The following NRXN3 variants were observed in gnomAD, a reference collection of about 807,000 sequenced individuals.
The protein encoded by NRXN3 is neurexin III.
A neutral mutation model predicts 137.6 loss-of-function variants in NRXN3; 32 were observed. That is an observed-to-expected ratio of 0.23 (90% CI 0.18 to 0.31). The LOEUF (loss-of-function observed/expected upper bound fraction) is 0.31. NRXN3 is among the 10% of genes least tolerant of loss of function. The probability of loss-of-function intolerance (pLI) is 1.00; values close to 1 mark genes in which losing one functional copy is unlikely to be tolerated. For synonymous variants in NRXN3, 798 were observed against 784.5 expected, an observed-to-expected ratio of 1.02 and a Z score of -0.29; for missense variants, 1,574 against 2,062.5, an observed-to-expected ratio of 0.76 and a Z score of 4.59.
intron 15 of NRXN3, among the ~76,000 whole-genome samples, chr14:79,255,773 C>T (rs983457774): frequency 1.3e-5 from 2 of 152,182 alleles, no homozygotes; most frequent in African/African-American, 2.4e-5. Context: ...TAATTGTGAT[C>T]ATTATCTAGC....
At chr14:78,922,707 G>A (rs574261137) in intron 10 of NRXN3, among the ~76,000 whole-genome samples, 106 of 152,236 alleles carry the variant, frequency 7.0e-4, no homozygotes, top group African/African-American at 1.7e-3. Context: ...TAGGTGGAGG[G>A]GAGCAGGGGG....
chr14:79,329,704 T>C (rs1452283783), intron 15 of NRXN3, among the ~76,000 whole-genome samples: 2 of 152,202 alleles, frequency 1.3e-5, no homozygotes, highest in Admixed American at 6.5e-5. Context: ...GTTTGAGAAT[T>C]GCTTAGCTAG....
At chr14:78,747,139 G>GA (rs397782255) in intron 8 of NRXN3, among the ~76,000 whole-genome samples, 3 of 151,888 alleles carry the variant, frequency 2.0e-5, no homozygotes, top group African/African-American at 7.3e-5. Context: ...CAGGACCAGG[G>GA]TTGAAAGTCT....
chr14:78,266,454 A>G (rs926916306), intron 2 of NRXN3, among the ~76,000 whole-genome samples: 2 of 152,010 alleles, frequency 1.3e-5, no homozygotes, highest in South Asian at 2.1e-4. Flanking sequence ...ACATACCACC[A>G]CGCCCAGCTA....
At chr14:78,616,905 G>A (rs1046115332) in intron 4 of NRXN3, among the ~76,000 whole-genome samples, 1 of 152,164 alleles carries the variant, frequency 6.6e-6, no homozygotes, top group Admixed American at 6.5e-5. Context: ...TTACAAATTA[G>A]CTGAGTTCTC....
intron 1 of NRXN3, among the ~76,000 whole-genome samples, chr14:78,235,406 C>G (rs959913289): frequency 4.6e-5 from 7 of 152,106 alleles, no homozygotes; most frequent in African/African-American, 1.7e-4. Flanking sequence ...TCTTTGAATG[C>G]TGTTCTTTAG....
intron 8 of NRXN3, among the ~76,000 whole-genome samples, chr14:78,785,507 T>C (rs2098786394): frequency 6.6e-6 from 1 of 152,228 alleles, no homozygotes; most frequent in Admixed American, 6.5e-5. Context: ...ACTTGTTCCC[T>C]GTAGACTCAT....
intron 15 of NRXN3, among the ~76,000 whole-genome samples, chr14:79,169,134 C>T (rs1199492297): frequency 2.0e-5 from 3 of 152,064 alleles, no homozygotes; most frequent in Non-Finnish European, 4.4e-5. Flanking sequence ...TGTTGAATTA[C>T]ATCTTACACT....
chr14:78,858,142 C>A (rs1366363502), intron 10 of NRXN3, among the ~76,000 whole-genome samples: 1 of 152,118 alleles, frequency 6.6e-6, no homozygotes, highest in Non-Finnish European at 1.5e-5. Flanking sequence ...CTCTGCACTT[C>A]CAGGAATTCC....
intron 15 of NRXN3, among the ~76,000 whole-genome samples, chr14:79,030,635 C>CTTTTTTTTTTT: frequency 1.1e-3 from 59 of 54,244 alleles, no homozygotes; most frequent in East Asian, 9.0e-3. Flanking sequence ...TTCTCTGTGT[C>CTTTTTTTTTTT]TTTTTTTTTT....
At chr14:78,933,762 T>C (rs2099328254) in intron 10 of NRXN3, among the ~76,000 whole-genome samples, 1 of 152,152 alleles carries the variant, frequency 6.6e-6, no homozygotes, top group East Asian at 1.9e-4. Flanking sequence ...ATAGTTATCA[T>C]CTTTATGGTG....
At chr14:79,360,794 G>C (rs947449886) in intron 15 of NRXN3, among the ~76,000 whole-genome samples, 2 of 152,222 alleles carry the variant, frequency 1.3e-5, no homozygotes, top group African/African-American at 4.8e-5. Context: ...TTATCAAGTA[G>C]TGTGACCTTA....
chr14:79,573,435 T>C (rs1260084998), intron 16 of NRXN3, among the ~76,000 whole-genome samples: 1 of 152,116 alleles, frequency 6.6e-6, no homozygotes, highest in Non-Finnish European at 1.5e-5. Context: ...AGCACTGGTT[T>C]TGTCAGTTTT....
At chr14:79,251,394 G>A (rs777605272) in intron 15 of NRXN3, among the ~76,000 whole-genome samples, 83 of 152,196 alleles carry the variant, frequency 5.5e-4, no homozygotes, top group East Asian at 3.9e-4. Flanking sequence ...AGGGAAGGGC[G>A]TCTTTCAAGA....
chr14:78,528,696 G>A (rs1035780618), intron 4 of NRXN3, among the ~76,000 whole-genome samples: 2 of 152,094 alleles, frequency 1.3e-5, no homozygotes, highest in Admixed American at 6.6e-5. Context: ...TAGGCAGAAG[G>A]GATCACTTTT....
chr14:79,270,378 C>T (rs1290646573), intron 15 of NRXN3, among the ~76,000 whole-genome samples: 4 of 152,184 alleles, frequency 2.6e-5, no homozygotes, highest in Admixed American at 2.6e-4. Context: ...CACAAATATC[C>T]ATTAAGTGTC....
At chr14:78,492,010 G>A (rs2095677117) in intron 4 of NRXN3, among the ~76,000 whole-genome samples, 2 of 152,158 alleles carry the variant, frequency 1.3e-5, no homozygotes, top group South Asian at 4.1e-4. Context: ...TGTGGGCAAC[G>A]CTGACTCTGG....
At chr14:78,411,027 A>G (rs1337055932) in intron 4 of NRXN3, among the ~76,000 whole-genome samples, 2 of 152,224 alleles carry the variant, frequency 1.3e-5, no homozygotes, top group African/African-American at 4.8e-5. Context: ...TCTGTAAATG[A>G]GGATAATAGG....
chr14:78,821,082 G>A lies in NRXN3; in HGVS notation c.2275+10738G>A, dbSNP rs564575002. On this transcript the variant is annotated intron_variant, in intron 10 of 20. Coordinates refer to ENST00000335750, the MANE Select transcript of NRXN3 (RefSeq NM_001330195.2). Reference sequence around the variant, plus strand: ...AGTACTCTTTTGTCCCCTAAATCAAGCTGTCTCTTAATGATGACACAGGAC... The same window carrying A: ...AGTACTCTTTTGTCCCCTAAATCAAACTGTCTCTTAATGATGACACAGGAC... Among the ~76,000 whole-genome samples, 3 of 152,190 alleles carry A rather than the reference G, an allele frequency of 2.0e-5. No homozygotes were observed. In the South Asian group the frequency reaches 6.2e-4, roughly 32 times the overall value.
Sources: gnomAD v4.1 joint callset for allele counts (sites outside exome capture counted in the v4.1 genomes callset) on GRCh38, gnomAD v4.1.1 for gene constraint, MANE v1.5 for transcripts, NCBI Gene and HGNC (gene_info 2026-07-23, HGNC 2026-07-21) for gene names.